Variants in PARN observed in about 807,000 individuals in gnomAD.
PARN encodes the protein poly(A)-specific ribonuclease.
A neutral mutation model predicts 102.8 loss-of-function variants in PARN; 71 were observed. That is an observed-to-expected ratio of 0.69 (90% CI 0.57 to 0.84). The LOEUF is 0.84. Ranked by LOEUF, PARN falls within the 40% of genes least tolerant of loss-of-function variation. The pLI is 0.00. For missense variants in PARN, 782 were observed against 760.9 expected, an observed-to-expected ratio of 1.03 and a Z score of -0.33; for synonymous variants, 261 against 252.9, an observed-to-expected ratio of 1.03 and a Z score of -0.30.
rs142121546 is a variant in PARN at position 14,594,504 on chromosome 16, C to T, written c.841-1126G>A. On this transcript the variant is annotated intron_variant, in intron 12 of 23. Transcript: ENST00000437198. ...CCAAGGCAGGCGGATCACCTGAGGT[C>T]GGGAGTTTGAGAACAGCCTGCCCAG... Among the ~76,000 whole-genome samples the T allele has an allele frequency of 3.4e-3, 523 of 152,242 alleles. 6 individuals carry two copies. Among genetic ancestry groups the T allele is most frequent in the East Asian group, 0.016 (84 of 5,190 alleles).
At chr16:14,613,576 T>TCA (rs1441362086) in intron 6 of PARN, among the ~76,000 whole-genome samples, 2 of 151,914 alleles carry the variant, frequency 1.3e-5, no homozygotes, top group African/African-American at 4.8e-5. Context: ...TGAGCCAAGA[T>TCA]CACGCCACTG....
At chr16:14,478,789 T>A (rs1963213741) in intron 22 of PARN, among the ~76,000 whole-genome samples, 1 of 152,228 alleles carries the variant, frequency 6.6e-6, no homozygotes, top group Non-Finnish European at 1.5e-5. Flanking sequence ...GAATTATATT[T>A]CTTTTTTTTG....
intron 21 of PARN, among the ~76,000 whole-genome samples, chr16:14,516,607 T>C (rs971558474): frequency 1.3e-5 from 2 of 151,526 alleles, no homozygotes; most frequent in Admixed American, 6.6e-5. Flanking sequence ...GAATCAAGGG[T>C]TCTTTCATAT....
intron 22 of PARN, among the ~76,000 whole-genome samples, chr16:14,480,174 A>G (rs1963302509): frequency 6.6e-6 from 1 of 152,066 alleles, no homozygotes; most frequent in African/African-American, 2.4e-5. Flanking sequence ...CTCTACTAAA[A>G]AAACAAAAAT....
intron 5 of PARN, 23 bp downstream of exon 5, chr16:14,627,083 A>C: frequency 7.1e-7 from 1 of 1,412,512 alleles, no homozygotes; most frequent in Non-Finnish European, 1.0e-6. Context: ...TCAGAAAAGA[A>C]AAATCTCAAT....
chr16:14,555,616 AATGCACAG>A (rs746046443), intron 19 of PARN, 30 bp downstream of exon 19: 2 of 986,836 alleles, frequency 2.0e-6, no homozygotes, highest in East Asian at 5.4e-5. Context: ...CACACACTTA[AATGCACAG>A]ATGCAATAAG....
intron 12 of PARN, among the ~76,000 whole-genome samples, chr16:14,595,720 G>A (rs1320815617): frequency 1.3e-5 from 2 of 152,038 alleles, no homozygotes; most frequent in Non-Finnish European, 2.9e-5. Flanking sequence ...CAGTAGAGAC[G>A]GGGTTTTACC....
chr16:14,495,485 G>C (rs1053055822), intron 21 of PARN, among the ~76,000 whole-genome samples: 3 of 152,206 alleles, frequency 2.0e-5, no homozygotes, highest in Admixed American at 1.3e-4. Context: ...CCAAAAAACA[G>C]AGGTCAGAGT....
At chr16:14,511,930 T>C (rs1433936834) in intron 21 of PARN, among the ~76,000 whole-genome samples, 1 of 152,114 alleles carries the variant, frequency 6.6e-6, no homozygotes, top group African/African-American at 2.4e-5. Flanking sequence ...TCTTGAACTG[T>C]CCTCAGTCTC....
At chr16:14,628,093 G>A in intron 3 of PARN, 79 bp downstream of exon 3, 22 of 878,214 alleles carry the variant, frequency 2.5e-5, no homozygotes, top group Non-Finnish European at 3.8e-5. Flanking sequence ...TAATGCACAA[G>A]TTTAGTAACA....
intron 18 of PARN, 123 bp downstream of exon 18, chr16:14,580,751 G>C (rs565349270): frequency 1.8e-6 from 1 of 559,064 alleles, no homozygotes; most frequent in African/African-American, 1.8e-5. Context: ...TGAGTCACTC[G>C]AGATGAAAAA....
intron 23 of PARN, among the ~76,000 whole-genome samples, chr16:14,446,563 C>T (rs146541614): frequency 1.3e-5 from 2 of 152,104 alleles, no homozygotes; most frequent in Admixed American, 1.3e-4. Context: ...GGGGCCTCTG[C>T]GCACATTTAA....
At chr16:14,529,338 A>G (rs1966188581) in intron 21 of PARN, among the ~76,000 whole-genome samples, 1 of 152,240 alleles carries the variant, frequency 6.6e-6, no homozygotes, top group African/African-American at 2.4e-5. Flanking sequence ...ATTAAGATAC[A>G]AAGTCACATC....
intron 6 of PARN, among the ~76,000 whole-genome samples, chr16:14,611,725 G>C (rs1034881198): frequency 2.7e-4 from 41 of 152,172 alleles, no homozygotes; most frequent in Non-Finnish European, 1.5e-5. Flanking sequence ...ATTTTCGGTA[G>C]AGACAGGGTT....
intron 9 of PARN, among the ~76,000 whole-genome samples, chr16:14,607,343 G>C (rs1284690978): frequency 6.6e-6 from 1 of 152,152 alleles, no homozygotes; most frequent in African/African-American, 2.4e-5. Flanking sequence ...AAGTAGCTGG[G>C]ATTACAGGCA....
At chr16:14,627,977 C>T (rs1972783153) in intron 3 of PARN, among the ~76,000 whole-genome samples, 195 bp downstream of exon 3, 2 of 152,066 alleles carry the variant, frequency 1.3e-5, no homozygotes, top group South Asian at 4.1e-4. Flanking sequence ...CACTGCACCC[C>T]AGCCTGGGTG....
intron 21 of PARN, among the ~76,000 whole-genome samples, chr16:14,529,508 C>A (rs1438824469): frequency 1.3e-5 from 2 of 152,152 alleles, no homozygotes; most frequent in African/African-American, 4.8e-5. Context: ...TCTGGGCACA[C>A]TGCAGCCACT....
intron 21 of PARN, among the ~76,000 whole-genome samples, chr16:14,491,419 A>C (rs1305643973): frequency 6.6e-6 from 1 of 152,040 alleles, no homozygotes; most frequent in African/African-American, 2.4e-5. Flanking sequence ...TGTAGCACCT[A>C]GGGTTTATCA....
chr16:14,592,201 G>A (rs1162758013), intron 13 of PARN: 2 of 152,188 alleles, frequency 1.3e-5, no homozygotes, highest in Non-Finnish European at 2.9e-5. Context: ...GAAAGAAGTG[G>A]TTTGGAGACA....
Sources: gnomAD v4.1 joint callset for allele counts (sites outside exome capture counted in the v4.1 genomes callset) on GRCh38, gnomAD v4.1.1 for gene constraint, MANE v1.5 for transcripts, NCBI Gene and HGNC (gene_info 2026-07-23, HGNC 2026-07-21) for gene names.